CSMD1: variants seen among roughly 807,000 people sequenced by gnomAD.
CSMD1 encodes the protein CUB and Sushi multiple domains 1.
Under a neutral mutation model 417.5 loss-of-function variants are expected in CSMD1, and 213 were observed. The ratio of observed to expected loss-of-function variants is 0.51; its 90% CI spans 0.46 to 0.57. The LOEUF (loss-of-function observed/expected upper bound fraction) is 0.57, where lower values mean the gene tolerates loss of function less well. CSMD1 is among the 20% of genes least tolerant of loss of function. The pLI, the probability that CSMD1 is intolerant of heterozygous loss-of-function variation, is 0.00. For missense variants in CSMD1, 6,923 were observed against 4,529.7 expected (o/e 1.53, Z -15.17); for synonymous variants, 2,862 against 1,736.8 (o/e 1.65, Z -16.11).
At chr8:4,079,161 C>G (rs1041003608) in intron 3 of CSMD1, among the ~76,000 whole-genome samples, 5 of 151,786 alleles carry the variant, frequency 3.3e-5, no homozygotes, top group African/African-American at 1.2e-4. Context: ...GAAAAAGACA[C>G]AGTATAAATT....
At chr8:3,672,966 T>A (rs1277712805) in intron 7 of CSMD1, among the ~76,000 whole-genome samples, 3 of 152,252 alleles carry the variant, frequency 2.0e-5, no homozygotes, top group African/African-American at 7.2e-5. Flanking sequence ...TCGTTATTCC[T>A]ATGCCTTATT....
chr8:3,696,254 C>G (rs529645533), intron 7 of CSMD1, among the ~76,000 whole-genome samples: 2 of 152,312 alleles, frequency 1.3e-5, no homozygotes, highest in South Asian at 2.1e-4. Context: ...GCACATTGCT[C>G]TTCCTGCAAG....
At chr8:3,451,422 G>A (rs1463664500) in intron 12 of CSMD1, among the ~76,000 whole-genome samples, 4 of 152,100 alleles carry the variant, frequency 2.6e-5, no homozygotes, top group Admixed American at 2.6e-4. Context: ...TTGCCTAGGT[G>A]TTCTTCTAGG....
chr8:4,848,793 C>A (rs929837298), intron 1 of CSMD1, among the ~76,000 whole-genome samples: 4 of 152,240 alleles, frequency 2.6e-5, no homozygotes, highest in African/African-American at 7.2e-5. Context: ...ATTCGGCCGT[C>A]TCAGCCTTCC....
chr8:3,418,039 G>A (rs546619844), intron 12 of CSMD1, among the ~76,000 whole-genome samples: 1 of 152,180 alleles, frequency 6.6e-6, no homozygotes, highest in African/African-American at 2.4e-5. Flanking sequence ...TTAAAATGAT[G>A]TGTGATCGTG....
At chr8:4,031,599 C>G (rs140008115) in intron 4 of CSMD1, among the ~76,000 whole-genome samples, 1 of 152,080 alleles carries the variant, frequency 6.6e-6, no homozygotes, top group Non-Finnish European at 1.5e-5. Flanking sequence ...AAGTCATAAA[C>G]TTGCTATTGA....
chr8:4,035,142 A>C (rs1797549431), intron 3 of CSMD1, among the ~76,000 whole-genome samples: 1 of 151,944 alleles, frequency 6.6e-6, no homozygotes, highest in Non-Finnish European at 1.5e-5. Context: ...ACTCATATAC[A>C]ACATCGGTCC....
chr8:4,453,697 G>C (rs1052460023), intron 2 of CSMD1, among the ~76,000 whole-genome samples: 1 of 151,944 alleles, frequency 6.6e-6, no homozygotes. Flanking sequence ...ATGCCTGCTT[G>C]GGTATGCACA....
chr8:3,979,308 A>C (rs1194058768), intron 5 of CSMD1, among the ~76,000 whole-genome samples: 1 of 152,196 alleles, frequency 6.6e-6, no homozygotes, highest in Non-Finnish European at 1.5e-5. Context: ...GTAGTAACAG[A>C]GGTGTGAATC....
intron 12 of CSMD1, among the ~76,000 whole-genome samples, chr8:3,446,577 C>T (rs769124043): frequency 3.3e-5 from 5 of 152,164 alleles, no homozygotes; most frequent in Non-Finnish European, 7.3e-5. Context: ...AGCTTCCTCT[C>T]CACGGGTAAA....
intron 3 of CSMD1, among the ~76,000 whole-genome samples, chr8:4,116,032 A>C (rs952938064): frequency 2.0e-5 from 3 of 150,176 alleles, no homozygotes; most frequent in African/African-American, 7.4e-5. Context: ...AGGGAGTCTC[A>C]CTCTGTCTCC....
chr8:4,778,472 T>G (rs117669382), intron 1 of CSMD1, among the ~76,000 whole-genome samples: 4,616 of 152,272 alleles, frequency 0.03, 124 homozygotes, highest in Non-Finnish European at 0.041. Context: ...ATTTTCTGCA[T>G]GAGATAATGC....
At chr8:3,886,099 G>A (rs546084202) in intron 5 of CSMD1, among the ~76,000 whole-genome samples, 1 of 151,738 alleles carries the variant, frequency 6.6e-6, no homozygotes, top group South Asian at 2.1e-4. Context: ...CGCCTATGCT[G>A]GAGCACAGTG....
chr8:4,537,779 C>A (rs1423047230), intron 2 of CSMD1, among the ~76,000 whole-genome samples: 1 of 152,202 alleles, frequency 6.6e-6, no homozygotes, highest in South Asian at 2.1e-4. Context: ...ACCAGGCATG[C>A]AGCCGTTGCT....
intron 12 of CSMD1, among the ~76,000 whole-genome samples, chr8:3,452,778 C>CT (rs955942094): frequency 1.2e-4 from 18 of 152,036 alleles, no homozygotes; most frequent in Admixed American, 6.6e-4. Context: ...CTAAAATTCT[C>CT]TTTTTTTGTT....
intron 25 of CSMD1, among the ~76,000 whole-genome samples, chr8:3,297,788 A>G (rs1191657266): frequency 1.3e-5 from 2 of 152,200 alleles, no homozygotes; most frequent in Non-Finnish European, 2.9e-5. Flanking sequence ...CAACCTTAAC[A>G]AAGTTTGTGG....
chr8:4,417,854 C>G (rs752576831), intron 3 of CSMD1, among the ~76,000 whole-genome samples: 4 of 151,888 alleles, frequency 2.6e-5, no homozygotes, highest in Non-Finnish European at 4.4e-5. Flanking sequence ...AAATTCTGAC[C>G]TTTTCCCATG....
chr8:4,138,521 T>C (rs1803577840), intron 3 of CSMD1, among the ~76,000 whole-genome samples: 1 of 152,092 alleles, frequency 6.6e-6, no homozygotes. Context: ...TCAGGAGACA[T>C]ATTTTGAGGA....
At chr8:3,705,995 C>A (rs1056073470) in intron 7 of CSMD1, among the ~76,000 whole-genome samples, 1 of 152,222 alleles carries the variant, frequency 6.6e-6, no homozygotes, top group East Asian at 1.9e-4. Flanking sequence ...CAGTCTCCTA[C>A]AGATGGTAAA....
Sources: gnomAD v4.1 joint callset for allele counts (sites outside exome capture counted in the v4.1 genomes callset) on GRCh38, gnomAD v4.1.1 for gene constraint, MANE v1.5 for transcripts, NCBI Gene and HGNC (gene_info 2026-07-23, HGNC 2026-07-21) for gene names.